EMSY: variants seen among roughly 807,000 people sequenced by gnomAD.
The protein encoded by EMSY is EMSY transcriptional repressor, BRCA2 interacting.
Under a neutral mutation model 134.6 loss-of-function variants are expected in EMSY, and 26 were observed. The ratio of observed to expected loss-of-function variants is 0.19; its 90% CI spans 0.14 to 0.27. EMSY has a LOEUF of 0.27. EMSY is among the 10% of genes least tolerant of loss of function. The probability of loss-of-function intolerance (pLI) is 1.00; values close to 1 mark genes in which losing one functional copy is unlikely to be tolerated. For synonymous variants in EMSY, 579 were observed against 577.8 expected, an observed-to-expected ratio of 1.00 and a Z score of -0.03; for missense variants, 1,305 against 1,611.4, an observed-to-expected ratio of 0.81 and a Z score of 3.26.
chr11:76,452,895 C>G (rs888168849), intron 3 of EMSY, among the ~76,000 whole-genome samples: 1 of 152,078 alleles, frequency 6.6e-6, no homozygotes, highest in African/African-American at 2.4e-5. Context: ...GACTCCTAAG[C>G]CTTAGAAAAG....
chr11:76,543,269 A>G (rs1242377764), intron 18 of EMSY, among the ~76,000 whole-genome samples: 1 of 152,216 alleles, frequency 6.6e-6, no homozygotes, highest in African/African-American at 2.4e-5. Flanking sequence ...GGCAACGGAG[A>G]ATGTTGAATT....
chr11:76,473,830 T>TA (rs1432025388), intron 8 of EMSY, among the ~76,000 whole-genome samples: 3 of 151,316 alleles, frequency 2.0e-5, no homozygotes, highest in Admixed American at 6.6e-5. Context: ...CTGTCTCTAC[T>TA]AAAAAAATAC....
intron 20 of EMSY, among the ~76,000 whole-genome samples, chr11:76,549,497 C>T (rs1384483648): frequency 7.2e-6 from 1 of 139,350 alleles, no homozygotes; most frequent in Non-Finnish European, 1.6e-5. Flanking sequence ...CAAAATTAGG[C>T]TACATTTACA....
In EMSY at chr11:76,544,599, A is replaced by G. The variant is rs1300821816; in HGVS notation, c.3050A>G (p.Asp1017Gly). The G allele has an allele frequency of 2.5e-6, 4 of 1,613,970 alleles. No individual in the cohort carries two copies. In the African/African-American group the frequency reaches 4.0e-5, roughly 16 times the overall value. The change falls in exon 19 of 21, where the codon GAT (aspartate) becomes GGT (glycine). Residue 1017 changes from aspartate (D) to glycine (G), a missense_variant. Asp to Gly is a moderately conservative substitution (Grantham distance 94). Transcript: ENST00000334736. ...CAAGAACAAGCACAGCCCAAGCCAGATGTACAGCACACACAGCATCCCATG... is the reference window on the plus strand; with the variant it reads ...CAAGAACAAGCACAGCCCAAGCCAGGTGTACAGCACACACAGCATCCCATG...
chr11:76,460,799 A>T (rs1397023383), intron 6 of EMSY: 2 of 151,930 alleles, frequency 1.3e-5, no homozygotes, highest in African/African-American at 4.8e-5. Context: ...GGCCAACCTG[A>T]CGAAACCTCG....
intron 7 of EMSY, among the ~76,000 whole-genome samples, chr11:76,465,796 A>C (rs546247662): frequency 1.3e-5 from 2 of 152,286 alleles, no homozygotes; most frequent in East Asian, 3.9e-4. Flanking sequence ...ATAGGCACTA[A>C]AAAGGTGACA....
At chr11:76,462,483 G>T (rs982323856) in intron 6 of EMSY, among the ~76,000 whole-genome samples, 4 of 152,174 alleles carry the variant, frequency 2.6e-5, no homozygotes, top group Non-Finnish European at 5.9e-5. Context: ...CCTTACTAAT[G>T]GGAGATATGT....
intron 6 of EMSY, among the ~76,000 whole-genome samples, chr11:76,461,375 G>A (rs1048373495): frequency 6.6e-6 from 1 of 151,982 alleles, no homozygotes; most frequent in African/African-American, 2.4e-5. Context: ...AAGGTGTAGG[G>A]GTTATATTTT....
chr11:76,526,152 TCTGA>T (rs984420507), intron 12 of EMSY, among the ~76,000 whole-genome samples: 6 of 152,200 alleles, frequency 3.9e-5, no homozygotes, highest in African/African-American at 1.2e-4. Flanking sequence ...TCCAGAATTT[TCTGA>T]CTATTATAAT....
intron 2 of EMSY, among the ~76,000 whole-genome samples, chr11:76,447,262 A>G (rs531133991): frequency 1.3e-5 from 2 of 152,322 alleles, no homozygotes; most frequent in African/African-American, 2.4e-5. Flanking sequence ...AGTCTTTTTT[A>G]TACAACATCT....
At chr11:76,481,318 C>T (rs1243720039) in intron 8 of EMSY, among the ~76,000 whole-genome samples, 2 of 152,152 alleles carry the variant, frequency 1.3e-5, no homozygotes, top group African/African-American at 4.8e-5. Flanking sequence ...GCTGGTATTA[C>T]AGGCATGAGC....
At chr11:76,509,585 C>A (rs950770598) in intron 9 of EMSY, among the ~76,000 whole-genome samples, 3 of 152,148 alleles carry the variant, frequency 2.0e-5, no homozygotes, top group African/African-American at 7.2e-5. Context: ...ACAAGGTATA[C>A]CTGTATCACT....
intron 9 of EMSY, among the ~76,000 whole-genome samples, chr11:76,502,287 CA>C (rs34882734): frequency 0.012 from 103 of 8,536 alleles, no homozygotes; most frequent in East Asian, 0.043. Context: ...AGAAAATGGG[CA>C]AAAAAAAAAA....
At chr11:76,528,788 G>T (rs1318688672) in intron 14 of EMSY, among the ~76,000 whole-genome samples, 3 of 151,882 alleles carry the variant, frequency 2.0e-5, no homozygotes, top group African/African-American at 7.3e-5. Flanking sequence ...CTCTGGTTTG[G>T]GTAAGTAGGA....
intron 16 of EMSY, among the ~76,000 whole-genome samples, chr11:76,538,469 C>T (rs934217592): frequency 2.6e-5 from 4 of 152,108 alleles, no homozygotes; most frequent in Admixed American, 2.0e-4. Flanking sequence ...CCATGTTGCC[C>T]GGGCTTGTCT....
chr11:76,519,908 C>T (rs7125625), intron 11 of EMSY, among the ~76,000 whole-genome samples: 2,948 of 152,114 alleles, frequency 0.019, 32 homozygotes, highest in Non-Finnish European at 0.03. Context: ...TGATATGCTA[C>T]GAGCCAGATA....
chr11:76,459,850 T>G (rs1948034579), intron 5 of EMSY, 83 bp from the exon 7 acceptor site: 18 of 1,490,468 alleles, frequency 1.2e-5, no homozygotes, highest in Non-Finnish European at 1.4e-5. Context: ...ATGTTAAAAT[T>G]GGCCTGCAAT....
At chr11:76,521,083 A>G (rs1950622105) in intron 11 of EMSY, among the ~76,000 whole-genome samples, 1 of 152,202 alleles carries the variant, frequency 6.6e-6, no homozygotes. Flanking sequence ...AATTCTAAAA[A>G]TTAAGGTCTG....
chr11:76,516,357 G>C (rs1220748015), intron 11 of EMSY, 45 bp downstream of exon 12: 1 of 1,367,060 alleles, frequency 7.3e-7, no homozygotes, highest in East Asian at 2.5e-5. Context: ...GGCCTTCATT[G>C]AGAGGAAAAA....
Sources: allele counts gnomAD v4.1 joint callset (sites outside exome capture counted in the v4.1 genomes callset), GRCh38; gene constraint gnomAD v4.1.1; transcripts MANE v1.5; gene names NCBI Gene and HGNC (gene_info 2026-07-23, HGNC 2026-07-21).